Variants in PGM1 observed in about 807,000 individuals in gnomAD.
PGM1 encodes phosphoglucomutase-1.
Under a neutral mutation model 55.6 loss-of-function variants are expected in PGM1, and 52 were observed. The ratio of observed to expected loss-of-function variants is 0.94; its 90% CI spans 0.75 to 1.18. The LOEUF (loss-of-function observed/expected upper bound fraction) is 1.18, where lower values mean the gene tolerates loss of function less well. Ranked by LOEUF, PGM1 falls within the 50% of genes most tolerant of loss-of-function variation. The pLI is 0.00. For synonymous variants in PGM1, 287 were observed against 271.7 expected, an observed-to-expected ratio of 1.06 and a Z score of -0.55; for missense variants, 724 against 729.3, an observed-to-expected ratio of 0.99 and a Z score of 0.08.
chr1:63,619,048 C>T (rs1648817584), intron 1 of PGM1, among the ~76,000 whole-genome samples: 1 of 152,204 alleles, frequency 6.6e-6, no homozygotes, highest in Non-Finnish European at 1.5e-5. Context: ...CATGCCTCAA[C>T]TGTTCTTGCC....
Position 63,659,650 on chromosome 1 carries a change from G to A in PGM1, c.1664G>A (p.Arg555His), listed in dbSNP as rs765405068. Residue 555 changes from arginine to histidine, a missense_variant, in exon 11 of 11, where the codon CGC (arginine) becomes CAC (histidine). Around this residue, in one of 3 missense-constraint regions of PGM1, gnomAD observed 316 missense variants for 313.1 expected, o/e 1.01. Coordinates refer to ENST00000371084, the MANE Select transcript of PGM1 (RefSeq NM_002633.3). ...TCCCAGCTGCAGGAGAGGACGGGACGCACTGCACCCACTGTCATCACCTAA... is the reference window on the plus strand; with the variant it reads ...TCCCAGCTGCAGGAGAGGACGGGACACACTGCACCCACTGTCATCACCTAA... ...KVSQLQERTG[R>H]TAPTVIT is the part of the protein sequence containing the mutation. 1.2e-5 allele frequency: 19 copies of A among 1,613,668 alleles called. No homozygotes were observed. The highest frequency in any genetic ancestry group is 4.0e-5 in the African/African-American group (3 of 74,878).
At chr1:63,623,574 T>G in intron 1 of PGM1, 3 of 1,612,804 alleles carry the variant, frequency 1.9e-6, no homozygotes, top group Non-Finnish European at 2.5e-6. Context: ...CAGGAACAAG[T>G]GGATTACGGA....
chr1:63,648,755 T>G, intron 8 of PGM1, 103 bp downstream of exon 8: 1 of 1,263,136 alleles, frequency 7.9e-7, no homozygotes, highest in Non-Finnish European at 1.1e-6. Context: ...AATAAAACCC[T>G]AGGTCATCCA....
chr1:63,599,240 A>G (rs374290181), intron 1 of PGM1, among the ~76,000 whole-genome samples: 3 of 151,988 alleles, frequency 2.0e-5, no homozygotes, highest in Admixed American at 6.5e-5. Context: ...ATCTTGGCTC[A>G]CTGTAACCTC....
chr1:63,652,313 G>T (rs947806304), intron 9 of PGM1, among the ~76,000 whole-genome samples: 3 of 152,184 alleles, frequency 2.0e-5, no homozygotes, highest in Non-Finnish European at 4.4e-5. Flanking sequence ...CTAAAGGAGA[G>T]AAAAATAGAT....
chr1:63,604,566 A>G (rs753849235), intron 1 of PGM1, among the ~76,000 whole-genome samples: 49 of 152,168 alleles, frequency 3.2e-4, no homozygotes, highest in Non-Finnish European at 5.7e-4. Context: ...ACTTGCAAGA[A>G]GGGCTGAAAA....
rs747172175 is a variant in PGM1 at position 63,629,995 on chromosome 1, G to A, written c.463G>A (p.Glu155Lys). The change falls in exon 3 of 11, where the codon GAA (glutamate) becomes AAA (lysine). Residue 155 changes from glutamate to lysine, a missense_variant. Transcript: ENST00000371084. ...AATTTTCCAAATCAGCAAGACAATTGAAGAATATGCAGTTTGCCCTGACCT... is the reference window on the plus strand; with the variant it reads ...AATTTTCCAAATCAGCAAGACAATTAAAGAATATGCAGTTTGCCCTGACCT... ...DKIFQISKTI[E>K]EYAVCPDLKV... The A allele has an allele frequency of 1.3e-5, 21 of 1,613,884 alleles. No individual in the cohort carries two copies. The Admixed American group carries it at 2.0e-4, about 15-fold the overall frequency.
Position 63,638,773 on chromosome 1 carries a change from C to T in PGM1, c.1117C>T (p.Leu373Phe). The T allele has an allele frequency of 3.1e-6, 5 of 1,613,912 alleles. No individual in the cohort carries two copies. Among genetic ancestry groups the T allele is most frequent in the Non-Finnish European group, 4.2e-6 (5 of 1,179,796 alleles). The stretch of plus-strand genomic sequence containing the variant: ...TTTGATGGACGCGAGCAAACTGTCC[C>T]TTTGTGGGGAGGAGAGCTTCGGGAC... ...GNLMDASKLS[L>F]CGEESFGTGS... Residue 373 changes from leucine (L) to phenylalanine (F), a missense_variant, in exon 7 of 11, where the codon CTT becomes TTT. Leu to Phe is a conservative substitution (Grantham distance 22). This residue lies in a region of PGM1 where 316 missense variants were observed against 313.1 expected (regional missense o/e 1.01). Transcript: ENST00000371084.
intron 1 of PGM1, among the ~76,000 whole-genome samples, chr1:63,617,824 CCT>C (rs1037094280): frequency 6.1e-5 from 9 of 148,166 alleles, no homozygotes; most frequent in African/African-American, 2.0e-4. Flanking sequence ...GTTTCATTTT[CCT>C]CTCTCTCTGC....
chr1:63,609,273 T>C (rs951376756), intron 1 of PGM1, among the ~76,000 whole-genome samples: 16 of 152,240 alleles, frequency 1.1e-4, no homozygotes, highest in African/African-American at 3.9e-4. Flanking sequence ...TGTGGAATGG[T>C]TACTGGGCCC....
chr1:63,613,259 C>CTTTTTTT (rs11377805), intron 1 of PGM1, among the ~76,000 whole-genome samples: 3,482 of 107,676 alleles, frequency 0.032, 181 homozygotes, highest in African/African-American at 0.077. Flanking sequence ...GTTGGCTTAT[C>CTTTTTTT]TTTTTTTTTT....
At chr1:63,658,756 A>C (rs1650034841) in intron 10 of PGM1, among the ~76,000 whole-genome samples, 1 of 151,770 alleles carries the variant, frequency 6.6e-6, no homozygotes, top group Admixed American at 6.6e-5. Flanking sequence ...CCATCTCAAA[A>C]AAAAAAAAAA....
chr1:63,618,235 C>G (rs1229068976), intron 1 of PGM1, among the ~76,000 whole-genome samples: 1 of 152,204 alleles, frequency 6.6e-6, no homozygotes, highest in Non-Finnish European at 1.5e-5. Context: ...GACCCTGTCA[C>G]TTTGGCTTTA....
chr1:63,635,129 C>T, intron 5 of PGM1, 110 bp downstream of exon 5: 1 of 902,282 alleles, frequency 1.1e-6, no homozygotes, highest in South Asian at 1.3e-5. Flanking sequence ...TGTTAAGGAT[C>T]CCTCATTCTG....
chr1:63,623,485 T>C (rs1214172221), intron 1 of PGM1: 1 of 1,612,512 alleles, frequency 6.2e-7, no homozygotes, highest in South Asian at 1.1e-5. Flanking sequence ...AGAATGGATT[T>C]CTGGGACATA....
chr1:63,594,926 A>ACT (rs1648004754), intron 1 of PGM1, among the ~76,000 whole-genome samples: 1 of 143,712 alleles, frequency 7.0e-6, no homozygotes, highest in Non-Finnish European at 1.5e-5. Flanking sequence ...CCGCCACTGC[A>ACT]CTCTAGCCTC....
At chr1:63,643,965 C>G (rs58868195) in intron 7 of PGM1, among the ~76,000 whole-genome samples, 2,961 of 152,290 alleles carry the variant, frequency 0.019, 107 homozygotes, top group African/African-American at 0.068. Flanking sequence ...CAGACAGACA[C>G]TGGTACTTTC....
chr1:63,632,381 A>G (rs555065613), intron 4 of PGM1, among the ~76,000 whole-genome samples: 1 of 152,258 alleles, frequency 6.6e-6, no homozygotes, highest in Non-Finnish European at 1.5e-5. Context: ...CTATACACAT[A>G]CATCTGCCTG....
chr1:63,623,134 C>T, intron 1 of PGM1: 1 of 906,628 alleles, frequency 1.1e-6, no homozygotes, highest in Non-Finnish European at 1.4e-6. Context: ...CTCCTTGGAG[C>T]TATCTCTACC....
Sources: allele counts gnomAD v4.1 joint callset (sites outside exome capture counted in the v4.1 genomes callset), GRCh38; gene constraint gnomAD v4.1.1; regional missense constraint gnomAD v4.1.1; transcripts MANE v1.5; gene names NCBI Gene and HGNC (gene_info 2026-07-23, HGNC 2026-07-21).